Variants in NEBL observed in about 807,000 individuals in gnomAD.
NEBL encodes nebulette, also known as LIM and SH3 protein 2.
In NEBL, 122 loss-of-function variants were observed where a neutral mutation model predicts 140.2. The ratio of observed to expected loss-of-function variants is 0.87; its 90% confidence interval spans 0.75 to 1.01. NEBL has a LOEUF of 1.01. NEBL is among the 50% of genes least tolerant of loss of function. The pLI is 0.00. For missense variants in NEBL, 1,365 were observed against 1,231.3 expected, an observed-to-expected ratio of 1.11 and a Z score of -1.62; for synonymous variants, 436 against 398.9, an observed-to-expected ratio of 1.09 and a Z score of -1.11.
upstream of NEBL, among the ~76,000 whole-genome samples, chr10:20,898,266 C>T (rs1847664218): frequency 6.6e-6 from 1 of 152,070 alleles, no homozygotes; most frequent in African/African-American, 2.4e-5. Context: ...TTATGTAAAT[C>T]CTAGGGTAAA....
intron 2 of NEBL, among the ~76,000 whole-genome samples, chr10:21,115,500 AT>A (rs1014668623): frequency 1.4e-5 from 2 of 147,648 alleles, no homozygotes; most frequent in South Asian, 2.2e-4. Flanking sequence ...CTATTCTTTA[AT>A]TTTTTTTTCA....
chr10:21,213,614 G>A (rs1425333014), intron 3 of NEBL, among the ~76,000 whole-genome samples: 1 of 152,188 alleles, frequency 6.6e-6, no homozygotes, highest in Non-Finnish European at 1.5e-5. Context: ...TCAGGACTTA[G>A]CAATGAGAAT....
chr10:20,879,544 T>C lies in NEBL; in HGVS notation c.480+1250A>G, dbSNP rs542566403. Among the ~76,000 whole-genome samples the C allele has an allele frequency of 5.3e-5, 8 of 152,342 alleles. No homozygotes were observed. In the South Asian group the frequency reaches 1.7e-3, roughly 32 times the overall value. On this transcript the variant is annotated intron_variant, in intron 5 of 27. Transcript: ENST00000377122. ...TCCACTTTTTTACTTAAACATTTGCTTACTGCAATTTAATATCAAATAACA... is the reference window on the plus strand; with the variant it reads ...TCCACTTTTTTACTTAAACATTTGCCTACTGCAATTTAATATCAAATAACA...
At position 21,066,630 on chromosome 10, in the gene NEBL, G is replaced by A. The variant is rs147992558; in HGVS notation, c.165-46429C>T. 2.3e-3 allele frequency among the ~76,000 whole-genome samples: 350 copies of A among 152,248 alleles called. 2 individuals are homozygous for A. The highest frequency in any genetic ancestry group is 7.3e-3 in the African/African-American group (304 of 41,548). On this transcript the variant is annotated intron_variant, in intron 2 of 6. Coordinates refer to the NEBL transcript ENST00000417816. ...TAATGGAGTTTTATTTTAAGCCTCC[G>A]AATTTGCTTTAAAAAGCTAAGATTG...
At chr10:21,250,429 G>A (rs556154204) in intron 2 of NEBL, among the ~76,000 whole-genome samples, 22 of 152,278 alleles carry the variant, frequency 1.4e-4, no homozygotes, top group African/African-American at 5.1e-4. Flanking sequence ...CCTCAGCTTG[G>A]CTTGCAGACA....
intron 3 of NEBL, among the ~76,000 whole-genome samples, chr10:21,012,496 G>C (rs61849674): frequency 6.6e-6 from 1 of 151,934 alleles, no homozygotes; most frequent in East Asian, 1.9e-4. Flanking sequence ...AGTAGCTGGG[G>C]CTACAAGCAT....
At chr10:20,889,427 A>T (rs895913141) in intron 3 of NEBL, among the ~76,000 whole-genome samples, 1 of 152,324 alleles carries the variant, frequency 6.6e-6, no homozygotes, top group Admixed American at 6.5e-5. Context: ...TTTATCAAAG[A>T]TATCACATTT....
intron 3 of NEBL, among the ~76,000 whole-genome samples, chr10:20,982,114 T>C (rs1037086825): frequency 6.6e-6 from 1 of 152,204 alleles, no homozygotes; most frequent in Non-Finnish European, 1.5e-5. Flanking sequence ...CAACGTTCAA[T>C]TACCCACCCT....
intron 2 of NEBL, among the ~76,000 whole-genome samples, chr10:20,890,944 T>C (rs567367206): frequency 3.7e-4 from 57 of 152,334 alleles, no homozygotes; most frequent in African/African-American, 1.3e-3. Flanking sequence ...CCCAAGACCA[T>C]AAATACTTAA....
chr10:21,039,385 C>A (rs1834161698), intron 2 of NEBL, among the ~76,000 whole-genome samples: 3 of 152,100 alleles, frequency 2.0e-5, no homozygotes, highest in Admixed American at 6.5e-5. Context: ...TTTAATCCAT[C>A]TTGAGTTAAT....
At chr10:21,086,169 G>C (rs996475620) in intron 2 of NEBL, among the ~76,000 whole-genome samples, 5 of 152,188 alleles carry the variant, frequency 3.3e-5, no homozygotes, top group Non-Finnish European at 7.3e-5. Context: ...AGGAATTAAA[G>C]AGTTCGACTC....
chr10:21,067,240 A>G lies in NEBL; in HGVS notation c.165-47039T>C, dbSNP rs189392663. On this transcript the variant is annotated intron_variant, in intron 2 of 6. Transcript: ENST00000417816. Reference sequence around the variant, plus strand: ...CCCACCTCGGCCTCCCAAAGTGCTGAGATTACAGGTGTGAGCCACCGCGCC... The same window carrying G: ...CCCACCTCGGCCTCCCAAAGTGCTGGGATTACAGGTGTGAGCCACCGCGCC... 4.5e-3 allele frequency among the ~76,000 whole-genome samples: 687 copies of G among 152,094 alleles called. 2 individuals carry two copies. Among genetic ancestry groups the G allele is most frequent in the Non-Finnish European group, 5.2e-3 (356 of 68,002 alleles).
At chr10:20,817,328 C>T (rs895375584) in intron 21 of NEBL, among the ~76,000 whole-genome samples, 3 of 152,112 alleles carry the variant, frequency 2.0e-5, no homozygotes, top group Admixed American at 6.6e-5. Context: ...GATTGTGCCA[C>T]TGCATTCCAG....
At chr10:21,278,260 C>T (rs895455089) in intron 1 of NEBL, among the ~76,000 whole-genome samples, 1 of 152,106 alleles carries the variant, frequency 6.6e-6, no homozygotes, top group Non-Finnish European at 1.5e-5. Context: ...GGCCACACAG[C>T]AAGACGCCGT....
At chr10:21,204,840 G>A (rs575217245) in intron 3 of NEBL, among the ~76,000 whole-genome samples, 1 of 152,270 alleles carries the variant, frequency 6.6e-6, no homozygotes, top group East Asian at 1.9e-4. Flanking sequence ...TGCAGGTGGG[G>A]CATTGACAGA....
intron 4 of NEBL, among the ~76,000 whole-genome samples, chr10:20,949,299 G>T (rs909872376): frequency 4.6e-5 from 7 of 152,206 alleles, no homozygotes; most frequent in African/African-American, 1.7e-4. Context: ...CCTGTTGGGG[G>T]ATGGGGGAAA....
chr10:20,998,853 T>A (rs1192090876), intron 3 of NEBL, among the ~76,000 whole-genome samples: 5 of 152,190 alleles, frequency 3.3e-5, no homozygotes, highest in Non-Finnish European at 7.3e-5. Context: ...ATGGACTAAC[T>A]TCTGTCAGTC....
At chr10:20,966,322 G>A (rs1243826256) in intron 3 of NEBL, among the ~76,000 whole-genome samples, 1 of 152,134 alleles carries the variant, frequency 6.6e-6, no homozygotes, top group Non-Finnish European at 1.5e-5. Flanking sequence ...AATTTAAACC[G>A]ATTCTTTTCT....
At chr10:20,862,930 G>A (rs562722039) in intron 7 of NEBL, among the ~76,000 whole-genome samples, 6 of 151,620 alleles carry the variant, frequency 4.0e-5, no homozygotes, top group Non-Finnish European at 7.4e-5. Context: ...TTATATTTAT[G>A]GGGTACATTA....
Sources: gnomAD v4.1 joint callset for allele counts (sites outside exome capture counted in the v4.1 genomes callset) on GRCh38, gnomAD v4.1.1 for gene constraint, MANE v1.5 for transcripts, NCBI Gene and HGNC (gene_info 2026-07-23, HGNC 2026-07-21) for gene names.